Variants in KHDRBS1 observed in about 807,000 individuals in gnomAD.
The protein encoded by KHDRBS1 is KH domain-containing, RNA-binding, signal transduction-associated protein 1.
Under a neutral mutation model 48.4 loss-of-function variants are expected in KHDRBS1, and 7 were observed. That is an observed-to-expected ratio of 0.14 (90% CI 0.08 to 0.27). KHDRBS1 has a LOEUF of 0.27. KHDRBS1 is among the 10% of genes least tolerant of loss of function. KHDRBS1 has a pLI of 1.00. For missense variants in KHDRBS1, 458 were observed against 601.2 expected, an observed-to-expected ratio of 0.76 and a Z score of 2.49; for synonymous variants, 241 against 235.8, an observed-to-expected ratio of 1.02 and a Z score of -0.20.
intron 8 of KHDRBS1, among the ~76,000 whole-genome samples, 180 bp downstream of exon 8, chr1:32,039,753 A>T (rs907005043): frequency 6.6e-6 from 1 of 152,180 alleles, no homozygotes; most frequent in African/African-American, 2.4e-5. Flanking sequence ...TACATGGTAG[A>T]AAGAGGGACT....
At chr1:32,030,228 A>T in intron 1 of KHDRBS1, 70 bp from the exon 2 acceptor site, 1 of 1,326,446 alleles carries the variant, frequency 7.5e-7, no homozygotes, top group Non-Finnish European at 1.1e-6. Flanking sequence ...ATTCCATGTT[A>T]TTGCTTTAAG....
At chr1:32,057,904 G>A (rs1404335267) in intron 10 of KHDRBS1, among the ~76,000 whole-genome samples, 1 of 151,566 alleles carries the variant, frequency 6.6e-6, no homozygotes, top group African/African-American at 2.4e-5. Context: ...ATCACCTGAG[G>A]TCAGGAGTTC....
rs574486117 is a variant in KHDRBS1, at chr1:32,013,921, C to T, written c.-75C>T. On this transcript the variant is annotated 5_prime_UTR_variant, in exon 1 of 9. Coordinates refer to ENST00000327300, the MANE Select transcript of KHDRBS1 (RefSeq NM_006559.3). ...GGTCGCTACCGCTCCCGCTCTGCCACCCCCGCCAACCGCCGCTCGGGCCTC... is the reference window on the plus strand; with the variant it reads ...GGTCGCTACCGCTCCCGCTCTGCCATCCCCGCCAACCGCCGCTCGGGCCTC... 6.1e-6 allele frequency: 8 copies of T among 1,313,926 alleles called. No individual in the cohort carries two copies. The African/African-American group carries it at 7.7e-5, about 13-fold the overall frequency. 81.4% of individuals were successfully genotyped at this position (1,313,926 alleles called of 1,614,324 possible). A position where few individuals can be genotyped will look rare whatever the true frequency, so the allele number is the denominator to read the frequency against.
At chr1:32,036,358 A>G (rs112532690) in intron 4 of KHDRBS1, among the ~76,000 whole-genome samples, 4,265 of 151,764 alleles carry the variant, frequency 0.028, 188 homozygotes, top group African/African-American at 0.096. Context: ...TTTAGTAGAG[A>G]TAGCGTTTCA....
At chr1:32,030,984 C>A (rs548835416) in intron 2 of KHDRBS1, among the ~76,000 whole-genome samples, 1 of 152,274 alleles carries the variant, frequency 6.6e-6, no homozygotes, top group East Asian at 1.9e-4. Context: ...CACAGTGGCT[C>A]ATGCCTGTAA....
intron 2 of KHDRBS1, 71 bp from the exon 3 acceptor site, chr1:32,031,453 G>T (rs1041585268): frequency 1.1e-6 from 1 of 937,514 alleles, no homozygotes. Flanking sequence ...TTAAAATCAA[G>T]TGAGGTAATT....
chr1:32,051,275 T>G (rs529177168), intron 10 of KHDRBS1, among the ~76,000 whole-genome samples: 1 of 152,394 alleles, frequency 6.6e-6, no homozygotes, highest in South Asian at 2.1e-4. Context: ...CTTCATTGAA[T>G]GGTCTTGTCG....
In KHDRBS1 at chr1:32,024,541, G is replaced by A. The variant is rs183179327; in HGVS notation, c.383-5757G>A. ...GGGATCTCACTCTGTTGCCCAGGCA[G>A]GTCTCAAGTTCCTGGGCTCAAGCAA... is the stretch of plus-strand genomic sequence containing the variant. On this transcript the variant is annotated intron_variant, in intron 1 of 8. Coordinates refer to ENST00000327300, the MANE Select transcript of KHDRBS1 (RefSeq NM_006559.3). 1.1e-4 allele frequency among the ~76,000 whole-genome samples: 17 copies of A among 151,736 alleles called. No homozygotes were observed. In the East Asian group the frequency reaches 3.3e-3, roughly 29 times the overall value.
At chr1:32,033,159 G>A (rs775701403) in intron 3 of KHDRBS1, 29 bp from the exon 4 acceptor site, 6 of 1,601,270 alleles carry the variant, frequency 3.7e-6, no homozygotes, top group Middle Eastern at 3.3e-4. Flanking sequence ...CTAGTCCATG[G>A]TGTGACATTT....
chr1:32,025,503 A>G (rs1638950053), intron 1 of KHDRBS1, among the ~76,000 whole-genome samples: 1 of 150,576 alleles, frequency 6.6e-6, no homozygotes, highest in Non-Finnish European at 1.5e-5. Context: ...GTTTCACTGT[A>G]TTGGTCAGGC....
intron 1 of KHDRBS1, among the ~76,000 whole-genome samples, chr1:32,027,753 TGTCAGA>T (rs1328450117): frequency 1.3e-5 from 2 of 152,302 alleles, no homozygotes; most frequent in East Asian, 1.9e-4. Flanking sequence ...CTCTAAGGCA[TGTCAGA>T]GTCAAAGTTA....
intron 10 of KHDRBS1, among the ~76,000 whole-genome samples, chr1:32,055,301 A>G (rs1383814622): frequency 1.3e-5 from 2 of 152,102 alleles, no homozygotes; most frequent in Non-Finnish European, 2.9e-5. Context: ...TACAAAAATT[A>G]GCCGGACGTG....
At chr1:32,023,723 A>G (rs1638906140) in intron 1 of KHDRBS1, among the ~76,000 whole-genome samples, 8 of 152,150 alleles carry the variant, frequency 5.3e-5, no homozygotes, top group Admixed American at 5.2e-4. Context: ...CTCCGGGGAA[A>G]GCAAGGACAA....
At chr1:32,040,447 A>T (rs1639262189) in intron 8 of KHDRBS1, among the ~76,000 whole-genome samples, 1 of 152,054 alleles carries the variant, frequency 6.6e-6, no homozygotes, top group South Asian at 2.1e-4. Flanking sequence ...ATCAGATTAG[A>T]GGCTGTAGGG....
intron 3 of KHDRBS1, 62 bp from the exon 4 acceptor site, chr1:32,033,126 G>A (rs866123990): frequency 2.2e-6 from 3 of 1,343,970 alleles, no homozygotes; most frequent in African/African-American, 1.4e-5. Flanking sequence ...CTTTGGCTTA[G>A]AGGTAAAGGT....
chr1:32,042,594 A>G lies in KHDRBS1; in HGVS notation c.1302A>G (p.Ala434=). 6.2e-7 allele frequency: 1 copy of G among 1,612,644 alleles called. No individual in the cohort carries two copies. Among genetic ancestry groups the G allele is most frequent in the Non-Finnish European group, 8.5e-7 (1 of 1,178,686 alleles). ...KAPPARPVKG[A]YREHPYGRY ...CTCCTGCTAGGCCAGTGAAGGGAGC[A>G]TACAGAGAGCACCCATATGGACGTT... The change falls in exon 9 of 9, where the codon GCA becomes GCG. Residue 434 remains alanine (A), a synonymous_variant. Transcript: ENST00000327300.
chr1:32,024,724 G>A (rs2124366568), intron 1 of KHDRBS1, among the ~76,000 whole-genome samples: 1 of 152,202 alleles, frequency 6.6e-6, no homozygotes, highest in Non-Finnish European at 1.5e-5. Context: ...TCAGATGTAA[G>A]TAACTCAGTT....
At chr1:32,044,814 AC>A (rs1216251718), downstream of KHDRBS1, among the ~76,000 whole-genome samples, 2 of 152,178 alleles carry the variant, frequency 1.3e-5, no homozygotes, top group African/African-American at 2.4e-5. Flanking sequence ...ATCGCAAAAA[AC>A]CAAAGGTAAC....
rs1266967687 is a variant in KHDRBS1, at chr1:32,028,582, A to G, written c.383-1716A>G. Among the ~76,000 whole-genome samples, 3 of 144,614 alleles carry G rather than the reference A, an allele frequency of 2.1e-5. No homozygotes were observed. The East Asian group carries it at 6.0e-4, about 29-fold the overall frequency. The allele number at this position is 144,614 out of a possible 152,430, so 94.9% of individuals were successfully genotyped here. A position where few individuals can be genotyped will look rare whatever the true frequency, so the allele number is the denominator to read the frequency against. ...CAGTGGCGCGATCTCGGCTCACTGC[A>G]AGCTCTGCCTCCTGGGTTCATGCCA... On this transcript the variant is annotated intron_variant, in intron 1 of 8. Coordinates refer to ENST00000327300, the MANE Select transcript of KHDRBS1 (RefSeq NM_006559.3).
Sources: gnomAD v4.1 joint callset for allele counts (sites outside exome capture counted in the v4.1 genomes callset) on GRCh38, gnomAD v4.1.1 for gene constraint, MANE v1.5 for transcripts, NCBI Gene and HGNC (gene_info 2026-07-23, HGNC 2026-07-21) for gene names.